MGST1: variants seen among roughly 807,000 people sequenced by gnomAD.
MGST1 encodes glutathione S-transferase 12.
Under a neutral mutation model 8.9 loss-of-function variants are expected in MGST1, and 5 were observed. The observed-to-expected ratio is 0.56, with a 90% CI of 0.29 to 1.19. The LOEUF is 1.19. Ranked by LOEUF, MGST1 falls within the 50% of genes most tolerant of loss-of-function variation. The pLI is 0.08. For missense variants in MGST1, 182 were observed against 187.4 expected, an observed-to-expected ratio of 0.97 and a Z score of 0.17; for synonymous variants, 54 against 67.8, an observed-to-expected ratio of 0.80 and a Z score of 1.00.
chr12:16,461,297 A>C (rs1941219546), intron 4 of MGST1, among the ~76,000 whole-genome samples: 1 of 152,032 alleles, frequency 6.6e-6, no homozygotes, highest in Non-Finnish European at 1.5e-5. Flanking sequence ...CTGAACACTA[A>C]GGGGATTTAA....
intron 4 of MGST1, among the ~76,000 whole-genome samples, chr12:16,449,287 C>T (rs1941109625): frequency 6.6e-6 from 1 of 151,788 alleles, no homozygotes; most frequent in African/African-American, 2.4e-5. Context: ...AGAGCAAGAG[C>T]AAGAGTAGAG....
rs190109283 is a variant in MGST1 at position 16,505,734 on chromosome 12, A to G, written n.483-83794A>G. On this transcript the variant is annotated intron_variant and non_coding_transcript_variant, in intron 4 of 4. Coordinates refer to the MGST1 transcript ENST00000538857. ...ATACTGTCAACGACTCTGTGAAGCT[A>G]TCTTTCTAAAGCACAGATCTAACCT... Among the ~76,000 whole-genome samples the G allele has an allele frequency of 5.8e-4, 89 of 152,294 alleles. 1 individual carries two copies. The highest frequency in any genetic ancestry group is 2.1e-3 in the African/African-American group (89 of 41,578).
chr12:16,353,912 A>T (rs1236049740), intron 1 of MGST1, among the ~76,000 whole-genome samples: 2 of 151,908 alleles, frequency 1.3e-5, no homozygotes, highest in African/African-American at 4.8e-5. Context: ...GGCACACGCC[A>T]CTGCGTCTGG....
chr12:16,420,018 T>C (rs1940820435), intron 1 of MGST1, among the ~76,000 whole-genome samples: 1 of 152,218 alleles, frequency 6.6e-6, no homozygotes, highest in African/African-American at 2.4e-5. Context: ...AGCAGTTTGA[T>C]TCTAGTGTGA....
Position 16,482,363 on chromosome 12 carries a change from T to G in MGST1, n.482+98759T>G, listed in dbSNP as rs1941369810. On this transcript the variant is annotated intron_variant and non_coding_transcript_variant, in intron 4 of 4. Coordinates refer to the MGST1 transcript ENST00000538857. The surrounding 1 kb of genome is among the most constrained non-coding windows in gnomAD (Gnocchi z 4.2). ...AAAAAAGAGCAAGGGCCGGGTGCAG[T>G]GGCTCACGCCTGTAATCTTAGCACT... Among the ~76,000 whole-genome samples the G allele has an allele frequency of 6.6e-6, 1 of 152,222 alleles. No individual in the cohort carries two copies. Among genetic ancestry groups the G allele is most frequent in the Non-Finnish European group, 1.5e-5 (1 of 68,050 alleles).
At chr12:16,520,243 A>G (rs1941640357) in intron 4 of MGST1, among the ~76,000 whole-genome samples, 1 of 152,216 alleles carries the variant, frequency 6.6e-6, no homozygotes, top group Non-Finnish European at 1.5e-5. Flanking sequence ...TAAGAAATTA[A>G]AAGTTGGAAA....
chr12:16,463,465 G>T (rs147689201), intron 4 of MGST1, among the ~76,000 whole-genome samples: 2 of 151,948 alleles, frequency 1.3e-5, no homozygotes, highest in East Asian at 3.9e-4. Flanking sequence ...GCATCAGGAA[G>T]AAGAGCTAAT....
In MGST1 at chr12:16,548,372, T is replaced by C. The variant is rs1941866077; in HGVS notation, n.483-41156T>C. The C allele has an allele frequency of 6.6e-6, 1 of 152,090 alleles. No homozygotes were observed. Among genetic ancestry groups the C allele is most frequent in the Non-Finnish European group, 1.5e-5 (1 of 67,986 alleles). 9.4% of individuals were successfully genotyped at this position (152,090 alleles called of 1,614,324 possible). A position where few individuals can be genotyped will look rare whatever the true frequency, so the allele number is the denominator to read the frequency against. On this transcript the variant is annotated intron_variant and non_coding_transcript_variant, in intron 4 of 4. Coordinates refer to the MGST1 transcript ENST00000538857. The surrounding 1 kb of genome is among the most constrained non-coding windows in gnomAD (Gnocchi z 4.2). ...ATTTTGCCAATTAAGTGCAATCAAA[T>C]AGTGTAACACCCCTTTTATTAAAAA...
At chr12:16,394,094 A>G (rs1002783171) in intron 1 of MGST1, among the ~76,000 whole-genome samples, 4 of 152,142 alleles carry the variant, frequency 2.6e-5, no homozygotes, top group Admixed American at 6.5e-5. Context: ...ATTACAAACT[A>G]TTTTCCAAAG....
At chr12:16,396,143 C>T (rs2137057867) in intron 1 of MGST1, among the ~76,000 whole-genome samples, 1 of 152,090 alleles carries the variant, frequency 6.6e-6, no homozygotes, top group East Asian at 1.9e-4. Context: ...GCCATTCTTG[C>T]AGGAGTAAGG....
At chr12:16,374,041 G>A (rs1940339775) in intron 3 of MGST1, among the ~76,000 whole-genome samples, 2 of 152,088 alleles carry the variant, frequency 1.3e-5, no homozygotes. Context: ...TTGGAAAAGT[G>A]TATTTTTGTT....
intron 1 of MGST1, among the ~76,000 whole-genome samples, chr12:16,393,940 T>C (rs567470833): frequency 6.6e-6 from 1 of 152,250 alleles, no homozygotes; most frequent in Non-Finnish European, 1.5e-5. Context: ...ACATTTAGGC[T>C]GCTTCTAGTT....
At chr12:16,391,624 T>G (rs1940554097) in intron 1 of MGST1, among the ~76,000 whole-genome samples, 1 of 152,216 alleles carries the variant, frequency 6.6e-6, no homozygotes, top group African/African-American at 2.4e-5. Flanking sequence ...TTTAAGTTAC[T>G]TATAGATGCT....
chr12:16,533,677 A>G (rs534908196), intron 4 of MGST1, among the ~76,000 whole-genome samples: 2 of 152,094 alleles, frequency 1.3e-5, no homozygotes, highest in African/African-American at 4.8e-5. Context: ...AGATATTGTT[A>G]TAGATCCTAG....
intron 4 of MGST1, among the ~76,000 whole-genome samples, chr12:16,571,860 C>G (rs1457292741): frequency 6.6e-6 from 1 of 151,966 alleles, no homozygotes; most frequent in Non-Finnish European, 1.5e-5. Context: ...TCTTAAAACT[C>G]ATTGAAAAGG....
At chr12:16,498,217 G>GA (rs1280387148) in intron 4 of MGST1, among the ~76,000 whole-genome samples, 1 of 152,096 alleles carries the variant, frequency 6.6e-6, no homozygotes, top group Non-Finnish European at 1.5e-5. Flanking sequence ...TATGGGATAA[G>GA]AAAAGACTTC....
chr12:16,459,424 A>G (rs950637497), intron 4 of MGST1, among the ~76,000 whole-genome samples: 3 of 152,152 alleles, frequency 2.0e-5, no homozygotes, highest in African/African-American at 4.8e-5. Flanking sequence ...TACCCTAGTT[A>G]GTAGAGATAA....
chr12:16,485,317 A>C (rs1314702963), intron 4 of MGST1, among the ~76,000 whole-genome samples: 2 of 152,224 alleles, frequency 1.3e-5, no homozygotes, highest in Non-Finnish European at 2.9e-5. Flanking sequence ...CGTTCGGTGT[A>C]ATAGCCACCA....
chr12:16,520,039 T>G (rs1941638782), intron 4 of MGST1, among the ~76,000 whole-genome samples: 1 of 152,324 alleles, frequency 6.6e-6, no homozygotes, highest in East Asian at 1.9e-4. Context: ...AGAGGTCTAT[T>G]TCACCCATTT....
Sources: gnomAD v4.1 joint callset for allele counts (sites outside exome capture counted in the v4.1 genomes callset) on GRCh38, gnomAD v4.1.1 for gene constraint, Gnocchi (gnomAD v3.1) non-coding constraint, MANE v1.5 for transcripts, NCBI Gene and HGNC (gene_info 2026-07-23, HGNC 2026-07-21) for gene names.